MTM1: variants seen among roughly 807,000 people sequenced by gnomAD.
MTM1 encodes myotubularin.
A neutral mutation model predicts 52.1 loss-of-function variants in MTM1; 9 were observed. The observed-to-expected ratio is 0.17, with a 90% CI of 0.10 to 0.30. The LOEUF (loss-of-function observed/expected upper bound fraction) is 0.30, where lower values mean the gene tolerates loss of function less well. Among genes scored for constraint, MTM1 ranks in the 10% least tolerant of loss-of-function variants. The pLI is 1.00. For synonymous variants in MTM1, 136 were observed against 163.8 expected (o/e 0.83, Z 1.29); for missense variants, 277 against 470.7 (o/e 0.59, Z 3.81).
intron 3 of MTM1, among the ~76,000 whole-genome samples, chrX:150,597,440 A>G (rs1408328501): frequency 1.8e-5 from 2 of 112,158 alleles, no homozygotes; most frequent in African/African-American, 3.2e-5. Context: ...ATTTCTGGAT[A>G]AGAGCAAAGA....
At chrX:150,622,563 G>C (rs782047653) in intron 6 of MTM1, among the ~76,000 whole-genome samples, 1 of 112,142 alleles carries the variant, frequency 8.9e-6, no homozygotes, top group East Asian at 2.8e-4. Flanking sequence ...CCCAACATAA[G>C]ATAGTATACA....
At chrX:150,659,304 T>C (rs1188390623) in intron 11 of MTM1, among the ~76,000 whole-genome samples, 1 of 112,326 alleles carries the variant, frequency 8.9e-6, no homozygotes, top group East Asian at 2.8e-4. Flanking sequence ...TCTTCGCGAC[T>C]GAAAGAACTA....
At chrX:150,579,462 G>C (rs782695819) in intron 1 of MTM1, among the ~76,000 whole-genome samples, 5 of 111,534 alleles carry the variant, frequency 4.5e-5, no homozygotes, top group Non-Finnish European at 9.4e-5. Context: ...GTTTCCCTAA[G>C]TATTTCATTT....
At chrX:150,637,013 C>T (rs1557413717) in intron 6 of MTM1, among the ~76,000 whole-genome samples, 2 of 111,951 alleles carry the variant, frequency 1.8e-5, no homozygotes, top group Non-Finnish European at 3.8e-5. Flanking sequence ...CAGGTTAAAG[C>T]CTCAGTGCAT....
intron 5 of MTM1, among the ~76,000 whole-genome samples, chrX:150,615,777 C>G (rs959438054): frequency 1.6e-4 from 18 of 112,002 alleles, no homozygotes; most frequent in Admixed American, 2.8e-4. Context: ...CTCGTTTTTT[C>G]TATCAGAAAC....
chrX:150,612,190 CAAA>C (rs377418608), intron 4 of MTM1, among the ~76,000 whole-genome samples: 2 of 83,656 alleles, frequency 2.4e-5, no homozygotes. Context: ...GGTCCTGTCT[CAAA>C]AAAAAAAAAA....
intron 1 of MTM1, among the ~76,000 whole-genome samples, chrX:150,575,423 T>C (rs782290056): frequency 8.9e-6 from 1 of 112,644 alleles, no homozygotes; most frequent in African/African-American, 3.2e-5. Context: ...CCAGGAGCGC[T>C]TCTCCAACTT....
intron 2 of MTM1, among the ~76,000 whole-genome samples, chrX:150,594,632 A>G (rs782042214): frequency 5.1e-4 from 57 of 112,089 alleles, no homozygotes; most frequent in Admixed American, 1.7e-3. Flanking sequence ...AAGTATTTTT[A>G]TGTTACCAGA....
At chrX:150,658,048 T>C in intron 11 of MTM1, 21 bp downstream of exon 11, 2 of 1,120,266 alleles carry the variant, frequency 1.8e-6, no homozygotes, top group Non-Finnish European at 2.5e-6. Flanking sequence ...AAAGCTAATT[T>C]CTAAAAATAG....
chrX:150,617,568 C>T (rs1338612855), intron 5 of MTM1, among the ~76,000 whole-genome samples: 5 of 112,142 alleles, frequency 4.5e-5, no homozygotes, highest in African/African-American at 1.6e-4. Flanking sequence ...TAGATGTCAT[C>T]TGTATACAGA....
chrX:150,603,054 T>C (rs1557412765), intron 4 of MTM1, among the ~76,000 whole-genome samples: 3 of 112,075 alleles, frequency 2.7e-5, no homozygotes, highest in Non-Finnish European at 5.6e-5. Context: ...TAGAATGCTT[T>C]ATAGAGGAGA....
intron 1 of MTM1, among the ~76,000 whole-genome samples, chrX:150,569,210 G>C (rs1373935719): frequency 2.6e-5 from 3 of 113,586 alleles, no homozygotes; most frequent in African/African-American, 6.4e-5. Flanking sequence ...AGGTTTATCT[G>C]CTTTTGCAAC....
intron 14 of MTM1, among the ~76,000 whole-genome samples, chrX:150,668,638 G>A (rs894672997): frequency 1.3e-4 from 14 of 111,059 alleles, no homozygotes; most frequent in Non-Finnish European, 2.5e-4. Flanking sequence ...CCAGGAGTTC[G>A]AGGTTACAGT....
chrX:150,572,358 T>G (rs1269180517), intron 1 of MTM1, among the ~76,000 whole-genome samples: 1 of 112,026 alleles, frequency 8.9e-6, no homozygotes, highest in Non-Finnish European at 1.9e-5. Context: ...GTATAAGCAG[T>G]TGCTATTTGG....
intron 1 of MTM1, among the ~76,000 whole-genome samples, chrX:150,573,014 AT>A (rs2038407011): frequency 1.8e-5 from 2 of 112,851 alleles, no homozygotes; most frequent in South Asian, 7.2e-4. Context: ...ATTTTCTATG[AT>A]TGTAATAAAA....
At chrX:150,606,939 T>TCGGTTCCCTCCCTTCCCC (rs1557412846) in intron 4 of MTM1, among the ~76,000 whole-genome samples, 1 of 19,810 alleles carries the variant, frequency 5.0e-5, no homozygotes. Flanking sequence ...CTCCCTTCCC[T>TCGGTTCCCTCCCTTCCCC]TCCCTCCCCT....
At chrX:150,586,868 G>C (rs1462966871) in intron 1 of MTM1, among the ~76,000 whole-genome samples, 2 of 103,969 alleles carry the variant, frequency 1.9e-5, no homozygotes, top group Non-Finnish European at 3.9e-5. Context: ...GAGCTGAGGT[G>C]GTACCACTGC....
rs1408923946 is a variant in MTM1, at chrX:150,592,669, A to C, written c.55A>C (p.Ile19Leu). ...TTCACACTCCTTGGAGAATGAGTCT[A>C]TTAAGAGGGTAAGTTGAATTTTCAG... ...YNSHSLENES[I>L]KRTSRDGVNR... Residue 19 changes from isoleucine to leucine, a missense_variant, in exon 2 of 15, where the codon ATT becomes CTT. By Grantham distance (5) the Ile-to-Leu change is conservative. Transcript: ENST00000370396. 34 of 1,156,073 alleles carry C rather than the reference A, an allele frequency of 2.9e-5. No individual in the cohort carries two copies. The highest frequency in any genetic ancestry group is 4.0e-5 in the Non-Finnish European group (34 of 846,774).
chrX:150,589,857 A>G (rs1569565367), intron 1 of MTM1, among the ~76,000 whole-genome samples: 1 of 109,701 alleles, frequency 9.1e-6, no homozygotes, highest in East Asian at 2.8e-4. Flanking sequence ...CAAGGTCAGG[A>G]CTAATTTGTA....
Sources: allele counts gnomAD v4.1 joint callset (sites outside exome capture counted in the v4.1 genomes callset), GRCh38; gene constraint gnomAD v4.1.1; transcripts MANE v1.5; gene names NCBI Gene and HGNC (gene_info 2026-07-23, HGNC 2026-07-21).